The following LGSN variants were observed in gnomAD, a reference collection of about 807,000 sequenced individuals.
The protein encoded by LGSN is lengsin.
LGSN carries 21 observed loss-of-function variants against 19.5 expected under a neutral mutation model. The observed-to-expected ratio is 1.07, with a 90% CI of 0.76 to 1.55. LGSN has a LOEUF of 1.55. LGSN is among the 40% of genes most tolerant of loss of function. The pLI is 0.00. For synonymous variants in LGSN, 257 were observed against 215.6 expected (o/e 1.19, Z -1.68); for missense variants, 673 against 608.5 (o/e 1.11, Z -1.12).
At chr6:63,450,589 G>T in the LGSN span, among the ~76,000 whole-genome samples, 1 of 150,232 alleles carries the variant, frequency 6.7e-6, no homozygotes, top group East Asian at 1.9e-4. Context: ...TTTAAAAAAC[G>T]TTAGTAAACA....
At chr6:63,371,669 G>C in the LGSN span, among the ~76,000 whole-genome samples, 2 of 152,144 alleles carry the variant, frequency 1.3e-5, no homozygotes, top group Non-Finnish European at 2.9e-5. Context: ...ATGAGAACCA[G>C]CAGTCAAAAT....
the LGSN span, among the ~76,000 whole-genome samples, chr6:63,473,566 C>G: frequency 3.8e-4 from 57 of 151,868 alleles, no homozygotes; most frequent in African/African-American, 1.3e-3. Flanking sequence ...GCTCTCCCAC[C>G]CCTAGTCCAC....
chr6:63,387,147 G>A, the LGSN span, among the ~76,000 whole-genome samples: 1 of 151,982 alleles, frequency 6.6e-6, no homozygotes, highest in Non-Finnish European at 1.5e-5. Context: ...ACGAGCAAAG[G>A]TAAAGTGCAA....
At chr6:63,459,336 T>C in the LGSN span, among the ~76,000 whole-genome samples, 1 of 152,224 alleles carries the variant, frequency 6.6e-6, no homozygotes, top group African/African-American at 2.4e-5. Context: ...CAAAAAGCTT[T>C]GGAAAATACG....
At chr6:63,542,022 GGTGTGTGTGTGTGTGTGT>G in the LGSN span, among the ~76,000 whole-genome samples, 1 of 146,730 alleles carries the variant, frequency 6.8e-6, no homozygotes, top group Non-Finnish European at 1.5e-5. Context: ...AAGAAACTGT[GGTGTGTGTGTGTGTGTGT>G]GTGTGTGTGT....
chr6:63,420,513 T>C, the LGSN span, among the ~76,000 whole-genome samples: 5 of 152,234 alleles, frequency 3.3e-5, no homozygotes, highest in Admixed American at 3.3e-4. Flanking sequence ...TTCAGCACTC[T>C]CCAGCTCAGC....
At chr6:63,335,973 A>AAT in the LGSN span, among the ~76,000 whole-genome samples, 2 of 151,368 alleles carry the variant, frequency 1.3e-5, no homozygotes, top group Non-Finnish European at 2.9e-5. Context: ...TACACAATGG[A>AAT]ATACACAGAA....
At chr6:63,487,682 T>C in the LGSN span, among the ~76,000 whole-genome samples, 1 of 152,086 alleles carries the variant, frequency 6.6e-6, no homozygotes, top group South Asian at 2.1e-4. Context: ...CATGGAGCCT[T>C]ACAATAAATA....
the LGSN span, among the ~76,000 whole-genome samples, chr6:63,472,336 A>G: frequency 6.6e-6 from 1 of 152,174 alleles, no homozygotes; most frequent in South Asian, 2.1e-4. Context: ...AATTCCTTTA[A>G]AGGTGGAGAA....
the LGSN span, chr6:63,548,914 A>G: frequency 1.7e-5 from 15 of 889,964 alleles, no homozygotes; most frequent in South Asian, 1.3e-4. Flanking sequence ...ACAGTGGTGC[A>G]GGTCTTCCTG....
At chr6:63,513,697 G>A in the LGSN span, among the ~76,000 whole-genome samples, 3 of 151,914 alleles carry the variant, frequency 2.0e-5, no homozygotes, top group Admixed American at 1.3e-4. Context: ...GATCATCTGA[G>A]GTCAGGAATT....
intron 3 of LGSN, among the ~76,000 whole-genome samples, chr6:63,283,044 C>G (rs1767379027): frequency 6.6e-6 from 1 of 152,062 alleles, no homozygotes; most frequent in Non-Finnish European, 1.5e-5. Context: ...TAGTAGAGAA[C>G]AGCTGGTTGC....
chr6:63,432,098 AAAG>A, the LGSN span, among the ~76,000 whole-genome samples: 1 of 67,118 alleles, frequency 1.5e-5, no homozygotes, highest in Non-Finnish European at 3.0e-5. Context: ...GGAAAGAAAG[AAAG>A]AAAGAAAGAA....
chr6:63,549,753 A>C, the LGSN span, among the ~76,000 whole-genome samples: 1 of 152,172 alleles, frequency 6.6e-6, no homozygotes, highest in Non-Finnish European at 1.5e-5. Context: ...GAAGCTAAAA[A>C]AAAAAGTTGA....
the LGSN span, among the ~76,000 whole-genome samples, chr6:63,526,499 A>T: frequency 2.7e-5 from 4 of 150,800 alleles, no homozygotes; most frequent in African/African-American, 9.8e-5. Flanking sequence ...CGCAAGCAGA[A>T]CAAAAATATT....
At chr6:63,540,351 T>G in the LGSN span, among the ~76,000 whole-genome samples, 1 of 152,152 alleles carries the variant, frequency 6.6e-6, no homozygotes, top group African/African-American at 2.4e-5. Flanking sequence ...CCAGGCACAA[T>G]GGGTCACACC....
At chr6:63,376,405 C>A in the LGSN span, among the ~76,000 whole-genome samples, 3 of 152,166 alleles carry the variant, frequency 2.0e-5, no homozygotes, top group Non-Finnish European at 4.4e-5. Context: ...TTAATCAATA[C>A]TTTCTATTTA....
chr6:63,329,529 T>C, the LGSN span, among the ~76,000 whole-genome samples: 1 of 152,244 alleles, frequency 6.6e-6, no homozygotes, highest in African/African-American at 2.4e-5. Context: ...CCTTGAGCCT[T>C]CAAATGTTTA....
At position 63,281,133 on chromosome 6, in the gene LGSN, C is replaced by A; in HGVS notation, c.418G>T (p.Ala140Ser). The stretch of plus-strand genomic sequence containing the variant: ...ACTATGTCGCTATTAAAACATGTGG[C>A]TCTTATGTTATTCATTTCATTGTCC... ...PKDNEMNNIR[A>S]TCFNSDIVLM... The change falls in exon 4 of 4, where the codon GCC becomes TCC. Residue 140 changes from alanine to serine, a missense_variant. By Grantham distance (99) the Ala-to-Ser change is moderately conservative (BLOSUM62 1). Transcript: ENST00000370657. 1 of 1,613,638 alleles carries A rather than the reference C, an allele frequency of 6.2e-7. No homozygotes were observed. The highest frequency in any genetic ancestry group is 8.5e-7 in the Non-Finnish European group (1 of 1,179,902).
Sources: gnomAD v4.1 joint callset for allele counts (sites outside exome capture counted in the v4.1 genomes callset) on GRCh38, gnomAD v4.1.1 for gene constraint, MANE v1.5 for transcripts, NCBI Gene and HGNC (gene_info 2026-07-23, HGNC 2026-07-21) for gene names.